PPM1N: variants seen among roughly 807,000 people sequenced by gnomAD.
PPM1N encodes protein phosphatase, Mg2+/Mn2+ dependent 1N (putative).
Under a neutral mutation model 32.6 loss-of-function variants are expected in PPM1N, and 35 were observed. The ratio of observed to expected loss-of-function variants is 1.07; its 90% CI spans 0.82 to 1.43. The LOEUF is 1.43. Among genes scored for constraint, PPM1N ranks in the 40% most tolerant of loss-of-function variants. PPM1N has a pLI of 0.00. For synonymous variants in PPM1N, 275 were observed against 270.5 expected (o/e 1.02, Z -0.16); for missense variants, 648 against 606.6 (o/e 1.07, Z -0.72).
intron 2 of PPM1N, among the ~76,000 whole-genome samples, 188 bp downstream of exon 2, chr19:45,500,254 C>T (rs1235631424): frequency 2.0e-5 from 3 of 152,000 alleles, no homozygotes; most frequent in Non-Finnish European, 4.4e-5. Flanking sequence ...CCTGCCTCAG[C>T]CTCCTGAGTA....
In PPM1N at chr19:45,500,502, CAGGACTCTGGCCTCAG is replaced by C. The variant is rs1344818218; in HGVS notation, c.1110_1125del (p.Leu371SerfsTer94). 8.1e-6 allele frequency: 13 copies of C among 1,611,472 alleles called. No individual in the cohort carries two copies. The highest frequency in any genetic ancestry group is 1.1e-5 in the Non-Finnish European group (13 of 1,178,912). Reference sequence around the variant, plus strand: ...AGCCCCCCAGCCTGAACACAGTTTTCAGGACTCTGGCCTCAGAGGACATCCCAGATTTACCTCCTGG... The same window carrying C: ...AGCCCCCCAGCCTGAACACAGTTTTCAGGACATCCCAGATTTACCTCCTGG... On this transcript the variant is annotated frameshift_variant, in exon 3 of 5. Transcript: ENST00000451287. LOFTEE classifies it high-confidence loss of function.
In PPM1N at chr19:45,499,008, A is replaced by G; in HGVS notation, c.536A>G (p.His179Arg). ...LVSPRFLYLA[H>R]CGDSRAVLSR... is the part of the protein sequence containing the mutation. ...TCCCCGCGGTTTCTGTACCTGGCGC[A>G]CTGCGGTGACTCCCGCGCGGTGCTG... Residue 179 changes from histidine (H) to arginine (R), a missense_variant, in exon 1 of 5, where the codon CAC (histidine) becomes CGC (arginine). Coordinates refer to ENST00000451287, the MANE Select transcript of PPM1N (RefSeq NM_001080401.2). 11 of 1,561,588 alleles carry G rather than the reference A, an allele frequency of 7.0e-6. No individual in the cohort carries two copies. Among genetic ancestry groups the G allele is most frequent in the Non-Finnish European group, 9.5e-6 (11 of 1,163,524 alleles).
At position 45,501,946 on chromosome 19, in the gene PPM1N, A is replaced by G. The variant is rs148952004; in HGVS notation, c.1225-71A>G. 4.1e-3 allele frequency: 4,369 copies of G among 1,072,932 alleles called. 18 individuals carry two copies. Among genetic ancestry groups the G allele is most frequent in the Admixed American group, 8.3e-3 (265 of 31,896 alleles). 66.5% of individuals were successfully genotyped at this position (1,072,932 alleles called of 1,614,324 possible). ...TGAGATGGGATATGGTGGTCCCTCA[A>G]AGGAAAAGGAAGAGGTGCCAGGAGA... On this transcript the variant is annotated intron_variant, in intron 4 of 4. Transcript: ENST00000451287.
intron 4 of PPM1N, among the ~76,000 whole-genome samples, chr19:45,501,231 C>G (rs1037879314): frequency 1.3e-5 from 2 of 152,174 alleles, no homozygotes; most frequent in Non-Finnish European, 2.9e-5. Flanking sequence ...AAGGCCTAGA[C>G]GCACAGCAGA....
At chr19:45,499,727 T>G in intron 1 of PPM1N, 2 of 1,541,948 alleles carry the variant, frequency 1.3e-6, no homozygotes, top group South Asian at 2.4e-5. Context: ...GAAGAGCAGG[T>G]AAACATCAGA....
chr19:45,501,987 C>T, intron 4 of PPM1N, 30 bp from the exon 5 acceptor site: 2 of 1,434,484 alleles, frequency 1.4e-6, no homozygotes, highest in Non-Finnish European at 1.9e-6. Context: ...CAGAATTTCT[C>T]ATTACCTTCT....
At position 45,502,190 on chromosome 19, in the gene PPM1N, G is replaced by T. The variant is rs1968425468; in HGVS notation, c.*105G>T. On this transcript the variant is annotated 3_prime_UTR_variant, in exon 5 of 5. Transcript: ENST00000451287. Reference sequence around the variant, plus strand: ...TACATGTACCAGCGGAAGGAAGGAAGGCCAATGTAGGAACCCAAAATGCTT... The same window carrying T: ...TACATGTACCAGCGGAAGGAAGGAATGCCAATGTAGGAACCCAAAATGCTT... 2 of 850,346 alleles carry T rather than the reference G, an allele frequency of 2.4e-6. No homozygotes were observed. The highest frequency in any genetic ancestry group is 3.8e-6 in the Non-Finnish European group (2 of 523,262). 52.7% of individuals were successfully genotyped at this position (850,346 alleles called of 1,614,324 possible).
rs760530239 is a variant in PPM1N, at chr19:45,499,162, G to T, written c.690G>T (p.Ser230=). ...GCGTCGAGGGCTCTCTGGCCGTGTCGCGAGCGTTGGGCGACTTTACCTACA... is the reference window on the plus strand; with the variant it reads ...GCGTCGAGGGCTCTCTGGCCGTGTCTCGAGCGTTGGGCGACTTTACCTACA... ...RRRVEGSLAV[S]RALGDFTYKE... is the part of the protein sequence containing the mutation. Residue 230 remains serine, a synonymous_variant, in exon 1 of 5, where the codon TCG becomes TCT. Transcript: ENST00000451287. The T allele has an allele frequency of 2.1e-5, 32 of 1,526,776 alleles. No individual in the cohort carries two copies. Among genetic ancestry groups the T allele is most frequent in the Non-Finnish European group, 2.7e-5 (31 of 1,144,854 alleles). 94.6% of individuals were successfully genotyped at this position (1,526,776 alleles called of 1,614,324 possible). A position where few individuals can be genotyped will look rare whatever the true frequency, so the allele number is the denominator to read the frequency against.
At chr19:45,501,782 G>A (rs1472270836) in intron 4 of PPM1N, among the ~76,000 whole-genome samples, 2 of 152,118 alleles carry the variant, frequency 1.3e-5, no homozygotes, top group East Asian at 3.8e-4. Flanking sequence ...CAATTTCCCC[G>A]GAGTTGCAGC....
intron 1 of PPM1N, chr19:45,499,714 GT>G: frequency 6.5e-7 from 1 of 1,544,134 alleles, no homozygotes; most frequent in Non-Finnish European, 8.7e-7. Context: ...GTGCTGGAAG[GT>G]GGAAGAGCAG....
intron 1 of PPM1N, 148 bp from the exon 2 acceptor site, chr19:45,499,801 G>T (rs765620099): frequency 5.0e-5 from 75 of 1,497,024 alleles, no homozygotes; most frequent in Middle Eastern, 1.9e-4. Context: ...ACCGGGTTTG[G>T]TCCCAGTAAG....
Position 45,499,136 on chromosome 19 carries a change from C to T in PPM1N, c.664C>T (p.Arg222Cys). 6.6e-7 allele frequency: 1 copy of T among 1,517,742 alleles called. No homozygotes were observed. Among genetic ancestry groups the T allele is most frequent in the East Asian group, 2.3e-5 (1 of 43,710 alleles). The allele number at this position is 1,517,742 out of a possible 1,614,324, so 94.0% of individuals were successfully genotyped here. The part of the protein sequence containing the change: ...HAAGGTIRRR[R>C]VEGSLAVSRA... Reference sequence around the variant, plus strand: ...CGCTGGCGGCACCATCCGCCGCCGCCGCGTCGAGGGCTCTCTGGCCGTGTC... The same window carrying T: ...CGCTGGCGGCACCATCCGCCGCCGCTGCGTCGAGGGCTCTCTGGCCGTGTC... Residue 222 changes from arginine to cysteine, a missense_variant, in exon 1 of 5, where the codon CGC (arginine) becomes TGC (cysteine). Arg to Cys is a radical substitution (Grantham distance 180). Coordinates refer to ENST00000451287, the MANE Select transcript of PPM1N (RefSeq NM_001080401.2).
chr19:45,502,165 T>C lies in PPM1N; in HGVS notation c.*80T>C. On this transcript the variant is annotated 3_prime_UTR_variant, in exon 5 of 5. Transcript: ENST00000451287. ...GAAGAAAACCGACCCTTTCCCCAAC[T>C]ACATGTACCAGCGGAAGGAAGGAAG... 2 of 1,116,552 alleles carry C rather than the reference T, an allele frequency of 1.8e-6. No homozygotes were observed. The highest frequency in any genetic ancestry group is 2.7e-5 in the South Asian group (2 of 74,676). The allele number at this position is 1,116,552 out of a possible 1,614,324, so 69.2% of individuals were successfully genotyped here.
rs61574042 is a variant in PPM1N, at chr19:45,502,308, G to GAAAAAAAAAAA, written c.*239_*249dup. On this transcript the variant is annotated 3_prime_UTR_variant, in exon 5 of 5. Coordinates refer to ENST00000451287, the MANE Select transcript of PPM1N (RefSeq NM_001080401.2). ...GACCAAAAAGAAAAAAGCCCAAATCGAAAAAAAAAAAAAAAAAAAAAAAAA... is the reference window on the plus strand; with the variant it reads ...GACCAAAAAGAAAAAAGCCCAAATCGAAAAAAAAAAAAAAAAAAAAAAAAAAAAAAAAAAAA... The GAAAAAAAAAAA allele has an allele frequency of 2.6e-3, 69 of 26,864 alleles. 2 individuals are homozygous for GAAAAAAAAAAA. The highest frequency in any genetic ancestry group is 0.019 in the Middle Eastern group (1 of 52). 1.7% of individuals were successfully genotyped at this position (26,864 alleles called of 1,614,324 possible).
Position 45,500,694 on chromosome 19 carries a change from C to A in PPM1N, c.1208C>A (p.Ser403Ter). The A allele has an allele frequency of 6.2e-7, 1 of 1,602,830 alleles. No homozygotes were observed. Among genetic ancestry groups the A allele is most frequent in the South Asian group, 1.1e-5 (1 of 88,520 alleles). The change falls in exon 4 of 5, where the codon TCA (serine) becomes TAA (stop). Residue 403 changes from serine to a stop codon, truncating the protein, a stop_gained. Coordinates refer to ENST00000451287, the MANE Select transcript of PPM1N (RefSeq NM_001080401.2). LOFTEE classifies it low-confidence loss of function (END_TRUNC). ...AEVYSQICQV[S>*]EECGEKGQDG... ...GTTTATTCTCAGATCTGCCAGGTCT[C>A]AGAAGAGTGCGGAGAGGTAAGGATC...
chr19:45,500,458 C>T lies in PPM1N; in HGVS notation c.1060C>T (p.Leu354=). The change falls in exon 3 of 5, where the codon CTG becomes TTG. Residue 354 remains leucine, a splice_region_variant and synonymous_variant. Coordinates refer to ENST00000451287, the MANE Select transcript of PPM1N (RefSeq NM_001080401.2). ...CCTAACTCTTGACTCTTTCTCAGAA[C>T]TGTGTGCCTCTGCTCAGAAGCCCCC... The part of the protein sequence containing the change: ...DAALGCRIAE[L]CASAQKPPSL... 1 of 1,605,048 alleles carries T rather than the reference C, an allele frequency of 6.2e-7. No homozygotes were observed. The highest frequency in any genetic ancestry group is 8.5e-7 in the Non-Finnish European group (1 of 1,175,680).
At position 45,499,242 on chromosome 19, in the gene PPM1N, T is replaced by C. The variant is rs562438795; in HGVS notation, c.770T>C (p.Val257Ala). The C allele has an allele frequency of 1.2e-6, 2 of 1,601,706 alleles. No individual in the cohort carries two copies. The highest frequency in any genetic ancestry group is 2.2e-5 in the East Asian group (1 of 44,630). ...CAGCTCGTTTCTGCGGAGCCAGAGGTGGCCGCACTGGCACGCCAGGCTGAG... is the reference window on the plus strand; with the variant it reads ...CAGCTCGTTTCTGCGGAGCCAGAGGCGGCCGCACTGGCACGCCAGGCTGAG... ...ELQLVSAEPEVAALARQAEDE... is the reference protein window; with the variant it reads ...ELQLVSAEPEAAALARQAEDE... The change falls in exon 1 of 5, where the codon GTG (valine) becomes GCG (alanine). Residue 257 changes from valine to alanine, a missense_variant. Physicochemically the swap from Val to Ala is moderately conservative, Grantham distance 64. Coordinates refer to ENST00000451287, the MANE Select transcript of PPM1N (RefSeq NM_001080401.2).
At chr19:45,501,076 A>T (rs1291747930) in intron 4 of PPM1N, among the ~76,000 whole-genome samples, 1 of 152,090 alleles carries the variant, frequency 6.6e-6, no homozygotes, top group African/African-American at 2.4e-5. Context: ...AGGCATGAGG[A>T]GGGAGACGCA....
At chr19:45,499,858 G>C in intron 1 of PPM1N, 91 bp from the exon 2 acceptor site, 1 of 1,521,634 alleles carries the variant, frequency 6.6e-7, no homozygotes, top group Non-Finnish European at 8.8e-7. Flanking sequence ...GGCATAAGTA[G>C]AATGAAGTGG....
Sources: allele counts gnomAD v4.1 joint callset (sites outside exome capture counted in the v4.1 genomes callset), GRCh38; gene constraint gnomAD v4.1.1; transcripts MANE v1.5; gene names NCBI Gene and HGNC (gene_info 2026-07-23, HGNC 2026-07-21).